The following SLC2A9 variants were observed in gnomAD, a reference collection of about 807,000 sequenced individuals.
The protein encoded by SLC2A9 is solute carrier family 2 member 9.
A neutral mutation model predicts 50.6 loss-of-function variants in SLC2A9; 39 were observed. The observed-to-expected ratio is 0.77, with a 90% CI of 0.60 to 1.01. SLC2A9 has a LOEUF of 1.01. SLC2A9 is among the 50% of genes least tolerant of loss of function. The pLI is 0.00. For missense variants in SLC2A9, 686 were observed against 677.6 expected (o/e 1.01, Z -0.14); for synonymous variants, 324 against 276.9 (o/e 1.17, Z -1.69).
intron 3 of SLC2A9, among the ~76,000 whole-genome samples, chr4:9,993,871 C>A (rs1340006222): frequency 6.6e-6 from 1 of 152,196 alleles, no homozygotes; most frequent in African/African-American, 2.4e-5. Flanking sequence ...GCTTCCCTGC[C>A]CTCCTTTGTC....
intron 5 of SLC2A9, among the ~76,000 whole-genome samples, chr4:9,953,653 C>CAG (rs1409797662): frequency 6.6e-6 from 1 of 152,214 alleles, no homozygotes; most frequent in Non-Finnish European, 1.5e-5. Context: ...GACAGGGTCT[C>CAG]ACTCTGTTAC....
intron 10 of SLC2A9, among the ~76,000 whole-genome samples, chr4:9,856,418 T>G (rs768766019): frequency 2.6e-5 from 4 of 152,086 alleles, no homozygotes; most frequent in Non-Finnish European, 5.9e-5. Flanking sequence ...CAATGAGATA[T>G]CATCTCACAT....
Position 9,908,245 on chromosome 4 carries a change from G to A in SLC2A9, c.1103C>T (p.Ala368Val). 1.2e-6 allele frequency: 2 copies of A among 1,612,608 alleles called. No homozygotes were observed. Among genetic ancestry groups the A allele is most frequent in the South Asian group, 1.1e-5 (1 of 91,036 alleles). ...CCTCAGTTGACTTACAGAGAAGACG[G>A]CAGCCAAAGTCTCGATGCCCCCTGT... is the stretch of plus-strand genomic sequence containing the variant. ...LSTGGIETLA[A>V]VFSGLVIEHL... The change falls in exon 8 of 12, where the codon GCC becomes GTC. Residue 368 changes from alanine (A) to valine (V), a missense_variant. Ala to Val is a moderately conservative substitution (Grantham distance 64). Transcript: ENST00000264784.
rs139449249 is a variant in SLC2A9, at chr4:9,980,607, G to A, written c.666C>T (p.Pro222=). Reference sequence around the variant, plus strand: ...CCACACTCACCTTTCCCAGCAGCTCGGGCAGGCCCAGAAGCTGCCCAGTGA... The same window carrying A: ...CCACACTCACCTTTCCCAGCAGCTCAGGCAGGCCCAGAAGCTGCCCAGTGA... ...GVFTGQLLGL[P]ELLGKESTWP... is the part of the protein sequence containing the mutation. The change falls in exon 5 of 12, where the codon CCC becomes CCT. Residue 222 remains proline (P), a synonymous_variant. Coordinates refer to ENST00000264784, the MANE Select transcript of SLC2A9 (RefSeq NM_020041.3). 1,014 of 1,614,106 alleles carry A rather than the reference G, an allele frequency of 6.3e-4. 19 individuals carry two copies. The East Asian group carries it at 0.021, about 34-fold the overall frequency.
intron 9 of SLC2A9, among the ~76,000 whole-genome samples, chr4:9,888,698 G>C (rs1399124529): frequency 6.6e-6 from 1 of 152,088 alleles, no homozygotes; most frequent in Non-Finnish European, 1.5e-5. Context: ...AGGGGGTTCA[G>C]CATACACAAG....
intron 6 of SLC2A9, chr4:9,924,121 A>G (rs754741279): frequency 3.9e-5 from 6 of 152,232 alleles, no homozygotes; most frequent in Non-Finnish European, 7.3e-5. Context: ...GTGATTAAAA[A>G]AAGAAAAACA....
intron 4 of SLC2A9, among the ~76,000 whole-genome samples, chr4:9,984,023 C>T (rs1312029489): frequency 6.6e-6 from 1 of 152,164 alleles, no homozygotes; most frequent in Non-Finnish European, 1.5e-5. Context: ...AAAGCATGAA[C>T]ACAGTTGGTC....
intron 8 of SLC2A9, among the ~76,000 whole-genome samples, chr4:9,907,305 T>G (rs1036057808): frequency 6.6e-6 from 1 of 152,234 alleles, no homozygotes; most frequent in Non-Finnish European, 1.5e-5. Flanking sequence ...AGTGCACTGC[T>G]CAGTGCTACA....
chr4:9,852,059 T>C (rs1459907376), intron 10 of SLC2A9, among the ~76,000 whole-genome samples: 1 of 152,126 alleles, frequency 6.6e-6, no homozygotes, highest in East Asian at 1.9e-4. Flanking sequence ...TGAGATACTA[T>C]ATAAGATGAA....
intron 10 of SLC2A9, among the ~76,000 whole-genome samples, chr4:9,837,447 G>A (rs1727282032): frequency 6.6e-6 from 1 of 152,230 alleles, no homozygotes; most frequent in Non-Finnish European, 1.5e-5. Context: ...AACAGGGTTA[G>A]GTGATGATGT....
intron 7 of SLC2A9, among the ~76,000 whole-genome samples, chr4:9,919,704 T>C (rs902543646): frequency 5.3e-5 from 8 of 152,176 alleles, no homozygotes; most frequent in Non-Finnish European, 1.0e-4. Context: ...TGCCAAGTGG[T>C]TGGCCAGCCT....
intron 1 of SLC2A9, among the ~76,000 whole-genome samples, chr4:10,027,675 C>T (rs772431275): frequency 1.3e-4 from 20 of 151,914 alleles, no homozygotes; most frequent in African/African-American, 4.6e-4. Context: ...GCATTGGGGC[C>T]GAGTGTCCTT....
chr4:10,037,437 C>T (rs1764143186), intron 1 of SLC2A9, among the ~76,000 whole-genome samples: 1 of 152,190 alleles, frequency 6.6e-6, no homozygotes, highest in Non-Finnish European at 1.5e-5. Context: ...CTCCTGGCCT[C>T]CTCGACACAG....
At chr4:9,931,958 CTCTCTATA>C (rs1746123209) in intron 6 of SLC2A9, among the ~76,000 whole-genome samples, 1 of 34,406 alleles carries the variant, frequency 2.9e-5, no homozygotes. Context: ...CTCTCTCTCT[CTCTCTATA>C]TATATATATA....
chr4:9,803,835 G>A (rs1484928282), intron 3 of SLC2A9, among the ~76,000 whole-genome samples: 1 of 152,146 alleles, frequency 6.6e-6, no homozygotes, highest in Non-Finnish European at 1.5e-5. Flanking sequence ...AATGAATGAA[G>A]GATATACTTA....
At chr4:9,789,088 T>A (rs1850744) in intron 3 of SLC2A9, among the ~76,000 whole-genome samples, 1 of 152,164 alleles carries the variant, frequency 6.6e-6, no homozygotes, top group African/African-American at 2.4e-5. Context: ...TCTATGCCTA[T>A]TTATGTAGAT....
chr4:9,772,877 G>A (rs1275359751), intron 1 of SLC2A9, among the ~76,000 whole-genome samples: 1 of 151,494 alleles, frequency 6.6e-6, no homozygotes, highest in East Asian at 1.9e-4. Context: ...CATTGTGCAG[G>A]TTAGTTACAT....
At chr4:9,816,721 T>C (rs13141706) in intron 3 of SLC2A9, among the ~76,000 whole-genome samples, 78,290 of 151,870 alleles carry the variant, frequency 0.52, 21,993 homozygotes, top group Non-Finnish European at 0.65. Flanking sequence ...CTCAGTTGAT[T>C]ATACTTCAAT....
At chr4:10,030,250 G>A (rs899543866) in intron 1 of SLC2A9, among the ~76,000 whole-genome samples, 8 of 152,184 alleles carry the variant, frequency 5.3e-5, no homozygotes, top group African/African-American at 1.9e-4. Flanking sequence ...AGTAGGTGAG[G>A]GGATGAGTTA....
Sources: allele counts gnomAD v4.1 joint callset (sites outside exome capture counted in the v4.1 genomes callset), GRCh38; gene constraint gnomAD v4.1.1; transcripts MANE v1.5; gene names NCBI Gene and HGNC (gene_info 2026-07-23, HGNC 2026-07-21).